LRPAP1: variants seen among roughly 807,000 people sequenced by gnomAD.
The protein encoded by LRPAP1 is LDL receptor related protein associated protein 1.
In LRPAP1, 41 loss-of-function variants were observed where a neutral mutation model predicts 39.9. That is an observed-to-expected ratio of 1.03 (90% CI 0.80 to 1.33). The LOEUF is 1.33. Among genes scored for constraint, LRPAP1 ranks in the 40% most tolerant of loss-of-function variants. The pLI is 0.00. For missense variants in LRPAP1, 565 were observed against 482.3 expected (o/e 1.17, Z -1.61); for synonymous variants, 263 against 212.7 (o/e 1.24, Z -2.06).
intron 4 of LRPAP1, among the ~76,000 whole-genome samples, 187 bp downstream of exon 4, chr4:3,518,684 C>T (rs535837479): frequency 1.2e-3 from 177 of 152,166 alleles, no homozygotes; most frequent in African/African-American, 3.2e-3. Context: ...CCTGCCTGCA[C>T]AGCAACCTCC....
rs768203630 is a variant in LRPAP1 at position 3,518,942 on chromosome 4, C to T, written c.521G>A (p.Arg174Gln). Residue 174 changes from arginine (R) to glutamine (Q), a missense_variant, in exon 4 of 8, where the codon CGG becomes CAG. Transcript: ENST00000650182. ...TTTCTCTTTGTGATGCAGGAACTCC[C>T]GCCAGAGCTTGTCCAGTTCTTCGCC... ...FSGEELDKLW[R>Q]EFLHHKEKVH... 9.9e-6 allele frequency: 16 copies of T among 1,614,042 alleles called. No individual in the cohort carries two copies. The highest frequency in any genetic ancestry group is 8.9e-5 in the East Asian group (4 of 44,856).
intron 1 of LRPAP1, among the ~76,000 whole-genome samples, chr4:3,528,828 G>C (rs1303783341): frequency 1.3e-5 from 2 of 152,204 alleles, no homozygotes; most frequent in African/African-American, 4.8e-5. Context: ...TCATGCATTG[G>C]CCTGGCGAGT....
At chr4:3,519,902 A>C (rs549717132) in intron 3 of LRPAP1, among the ~76,000 whole-genome samples, 170 bp downstream of exon 3, 1 of 152,330 alleles carries the variant, frequency 6.6e-6, no homozygotes, top group Admixed American at 6.5e-5. Context: ...GAAAGCTGAA[A>C]AGATTCACAG....
rs1450782864 is a variant in LRPAP1, at chr4:3,515,004, A to C, written c.835-76T>G. ...CATCTTGTGGTCCCGGGTGAACTGC[A>C]AGGACGCCAAAGGACGGCGCCATAC... On this transcript the variant is annotated intron_variant, in intron 6 of 7. Transcript: ENST00000650182. 4 of 1,502,134 alleles carry C rather than the reference A, an allele frequency of 2.7e-6. 1 individual carries two copies. Among genetic ancestry groups the C allele is most frequent in the Non-Finnish European group, 2.7e-6 (3 of 1,096,418 alleles). 93.1% of individuals were successfully genotyped at this position (1,502,134 alleles called of 1,614,324 possible).
intron 1 of LRPAP1, among the ~76,000 whole-genome samples, chr4:3,530,096 A>C (rs1170819484): frequency 6.6e-6 from 1 of 152,120 alleles, no homozygotes; most frequent in African/African-American, 2.4e-5. Context: ...AGCCGACTGG[A>C]GTGACTATTT....
At chr4:3,526,597 C>G (rs535129580) in intron 1 of LRPAP1, among the ~76,000 whole-genome samples, 3 of 152,196 alleles carry the variant, frequency 2.0e-5, no homozygotes, top group African/African-American at 7.2e-5. Flanking sequence ...CCTTGCAGCC[C>G]GAGACCTCAG....
chr4:3,516,087 G>C lies in LRPAP1; in HGVS notation c.834+29C>G, dbSNP rs1220490877. The C allele has an allele frequency of 3.9e-6, 6 of 1,552,458 alleles. No individual in the cohort carries two copies. In the African/African-American group the frequency reaches 8.2e-5, roughly 21 times the overall value. ...AAGAGAATCTTCACCACAGGAGAGA[G>C]CTAGAAGGAGAGGGCCGTGTTTCCT... On this transcript the variant is annotated intron_variant, in intron 6 of 7. Transcript: ENST00000650182.
intron 3 of LRPAP1, 40 bp from the exon 4 acceptor site, chr4:3,519,031 C>A (rs757695786): frequency 6.2e-7 from 1 of 1,603,450 alleles, no homozygotes; most frequent in East Asian, 2.2e-5. Flanking sequence ...CCGCCGCGGG[C>A]TCGTGTGGCC....
chr4:3,524,890 G>T lies in LRPAP1; in HGVS notation c.349+17C>A. On this transcript the variant is annotated intron_variant, in intron 2 of 7. Transcript: ENST00000650182. ...AAGAGGGATACTCGACCTGCATTAG[G>T]AAAGAAACAAACGTACCATTGAGGT... is the stretch of plus-strand genomic sequence containing the variant. 1 of 1,612,324 alleles carries T rather than the reference G, an allele frequency of 6.2e-7. No homozygotes were observed. Among genetic ancestry groups the T allele is most frequent in the East Asian group, 2.2e-5 (1 of 44,822 alleles).
At chr4:3,522,112 G>A (rs946489924) in intron 2 of LRPAP1, among the ~76,000 whole-genome samples, 1 of 152,276 alleles carries the variant, frequency 6.6e-6, no homozygotes, top group Non-Finnish European at 1.5e-5. Flanking sequence ...TGCCAGGCCT[G>A]CCTGTGAAGG....
Position 3,518,067 on chromosome 4 carries a change from T to G in LRPAP1, c.718A>C (p.Arg240=). 1 of 1,612,202 alleles carries G rather than the reference T, an allele frequency of 6.2e-7. No homozygotes were observed. The highest frequency in any genetic ancestry group is 2.2e-5 in the East Asian group (1 of 44,874). ...SINQGLDRLR[R]VSHQGYSTEA... is the part of the protein sequence containing the mutation. The stretch of plus-strand genomic sequence containing the variant: ...GTGCTGTAGCCCTGGTGGCTGACCC[T>G]GCGCAGGCGGTCCAGGCCCTGGTTG... Residue 240 remains arginine (R), a synonymous_variant, in exon 5 of 8, where the codon AGG becomes CGG. Coordinates refer to ENST00000650182, the MANE Select transcript of LRPAP1 (RefSeq NM_002337.4).
chr4:3,524,451 C>T (rs16844547), intron 2 of LRPAP1, among the ~76,000 whole-genome samples: 1,533 of 152,360 alleles, frequency 0.01, 28 homozygotes, highest in African/African-American at 0.035. Flanking sequence ...TGCTGTCCTC[C>T]GGCCCCTTCC....
At chr4:3,513,736 A>G (rs1729607172) in intron 7 of LRPAP1, among the ~76,000 whole-genome samples, 1 of 152,190 alleles carries the variant, frequency 6.6e-6, no homozygotes, top group South Asian at 2.1e-4. Flanking sequence ...AACAGCCCAG[A>G]GCATCCCCAC....
chr4:3,527,979 C>G lies in LRPAP1; in HGVS notation c.205-2928G>C, dbSNP rs370242483. 6.6e-5 allele frequency among the ~76,000 whole-genome samples: 10 copies of G among 152,306 alleles called. No homozygotes were observed. In the South Asian group the frequency reaches 1.2e-3, roughly 19 times the overall value. On this transcript the variant is annotated intron_variant, in intron 1 of 7. Transcript: ENST00000650182. ...GCAACAGGGGGTCTAAATTTCACAC[C>G]GCATGTCTCACAAAAGCCAGCTCCC... is the stretch of plus-strand genomic sequence containing the variant.
At chr4:3,521,003 C>T (rs1388836983) in intron 2 of LRPAP1, among the ~76,000 whole-genome samples, 1 of 152,230 alleles carries the variant, frequency 6.6e-6, no homozygotes, top group African/African-American at 2.4e-5. Context: ...GATGTGAGAG[C>T]AGAGCCTGGG....
rs114355778 is a variant in LRPAP1 at position 3,517,726 on chromosome 4, C to T, written c.751+308G>A. On this transcript the variant is annotated intron_variant, in intron 5 of 7. Coordinates refer to ENST00000650182, the MANE Select transcript of LRPAP1 (RefSeq NM_002337.4). ...ACGAGTGGTCTCTGTTCTTGGCCAA[C>T]AGCAGCACGGGAGGGGCCGTGCTGC... 1.3e-3 allele frequency: 371 copies of T among 282,404 alleles called. 2 individuals are homozygous for T. The highest frequency in any genetic ancestry group is 7.6e-3 in the African/African-American group (346 of 45,556). 17.5% of individuals were successfully genotyped at this position (282,404 alleles called of 1,614,324 possible).
chr4:3,512,911 C>G lies in LRPAP1; in HGVS notation c.*63G>C. ...CGGCGGGCTGTCCACGGAAATGCCA[C>G]GGCCAAGAGCCCAGGTCCTTCACGC... On this transcript the variant is annotated 3_prime_UTR_variant, in exon 8 of 8. Transcript: ENST00000650182. The G allele has an allele frequency of 6.8e-7, 1 of 1,480,688 alleles. No individual in the cohort carries two copies. The highest frequency in any genetic ancestry group is 9.2e-7 in the Non-Finnish European group (1 of 1,087,996). 91.7% of individuals were successfully genotyped at this position (1,480,688 alleles called of 1,614,324 possible). A position where few individuals can be genotyped will look rare whatever the true frequency, so the allele number is the denominator to read the frequency against.
intron 1 of LRPAP1, among the ~76,000 whole-genome samples, chr4:3,529,437 C>T (rs142361729): frequency 4.6e-5 from 7 of 152,304 alleles, no homozygotes; most frequent in South Asian, 2.1e-4. Flanking sequence ...CCCTGAGCGC[C>T]GCAGCTGGAC....
rs17848286 is a variant in LRPAP1 at position 3,514,730 on chromosome 4, C to T, written c.1011+22G>A. 2.8e-4 allele frequency: 446 copies of T among 1,578,494 alleles called. 4 individuals carry two copies. In the East Asian group the frequency reaches 8.7e-3, roughly 31 times the overall value. On this transcript the variant is annotated intron_variant, in intron 7 of 7. Coordinates refer to ENST00000650182, the MANE Select transcript of LRPAP1 (RefSeq NM_002337.4). ...TCCTGCAGGGGAACTGTGGCCTCCC[C>T]GGTCCTGGAACCCGTGCGCACCGTG...
Sources: gnomAD v4.1 joint callset for allele counts (sites outside exome capture counted in the v4.1 genomes callset) on GRCh38, gnomAD v4.1.1 for gene constraint, MANE v1.5 for transcripts, NCBI Gene and HGNC (gene_info 2026-07-23, HGNC 2026-07-21) for gene names.